Variants in SHANK2 observed in about 807,000 individuals in gnomAD.
SHANK2 encodes the protein SH3 and multiple ankyrin repeat domains 2.
Under a neutral mutation model 133.7 loss-of-function variants are expected in SHANK2, and 43 were observed. That is an observed-to-expected ratio of 0.32 (90% CI 0.25 to 0.41). The LOEUF (loss-of-function observed/expected upper bound fraction) is 0.41. Ranked by LOEUF, SHANK2 falls within the 10% of genes least tolerant of loss-of-function variation. The pLI, the probability that SHANK2 is intolerant of heterozygous loss-of-function variation, is 1.00. For missense variants in SHANK2, 1,994 were observed against 2,235.8 expected, an observed-to-expected ratio of 0.89 and a Z score of 2.18; for synonymous variants, 1,017 against 952.8, an observed-to-expected ratio of 1.07 and a Z score of -1.24.
At chr11:70,763,277 C>T (rs1034550426) in intron 14 of SHANK2, among the ~76,000 whole-genome samples, 3 of 152,168 alleles carry the variant, frequency 2.0e-5, no homozygotes, top group Non-Finnish European at 2.9e-5. Flanking sequence ...GCAGCAGCCA[C>T]GTACATAACC....
At chr11:70,661,833 A>AGGAGGAGC in intron 15 of SHANK2, 155 bp from the exon 16 acceptor site, 10 of 1,606,142 alleles carry the variant, frequency 6.2e-6, no homozygotes, top group Non-Finnish European at 7.6e-6. Flanking sequence ...GCGAGGGTGC[A>AGGAGGAGC]GGAGGAGCGA....
At chr11:70,607,601 G>A (rs551720961) in intron 17 of SHANK2, among the ~76,000 whole-genome samples, 47 of 152,318 alleles carry the variant, frequency 3.1e-4, no homozygotes, top group African/African-American at 1.1e-3. Flanking sequence ...GCCTGTGGCC[G>A]TCAGCAAACA....
rs1036784798 is a variant in SHANK2 at position 71,198,803 on chromosome 11, G to A, written c.-13+25894C>T. ...TGGGCAAGTGAGGTTGTGAGGCGGCGGGGTCTTCAAAGGCAGAGTTGGTTC... is the reference window on the plus strand; with the variant it reads ...TGGGCAAGTGAGGTTGTGAGGCGGCAGGGTCTTCAAAGGCAGAGTTGGTTC... On this transcript the variant is annotated intron_variant, in intron 2 of 25. Transcript: ENST00000601538. Among the ~76,000 whole-genome samples the A allele has an allele frequency of 2.0e-5, 3 of 152,324 alleles. No individual in the cohort carries two copies. The South Asian group carries it at 6.2e-4, about 32-fold the overall frequency.
At chr11:70,743,813 C>T (rs555888050) in intron 14 of SHANK2, among the ~76,000 whole-genome samples, 1 of 152,290 alleles carries the variant, frequency 6.6e-6, no homozygotes, top group East Asian at 1.9e-4. Flanking sequence ...ATTCAGGCTC[C>T]AAAACGTCTT....
intron 14 of SHANK2, among the ~76,000 whole-genome samples, chr11:70,720,252 G>A (rs141019740): frequency 9.2e-5 from 14 of 152,270 alleles, no homozygotes; most frequent in Non-Finnish European, 1.6e-4. Flanking sequence ...AAAGTGCCAC[G>A]GTCATTTCTG....
chr11:71,139,617 T>A (rs184910843), intron 3 of SHANK2, among the ~76,000 whole-genome samples: 4 of 152,318 alleles, frequency 2.6e-5, no homozygotes, highest in Non-Finnish European at 5.9e-5. Flanking sequence ...GCTCACCAGT[T>A]TGTATTGATT....
intron 17 of SHANK2, among the ~76,000 whole-genome samples, chr11:70,543,107 A>G (rs2059643642): frequency 6.6e-6 from 1 of 152,114 alleles, no homozygotes; most frequent in African/African-American, 2.4e-5. Context: ...TGTGCTTTTC[A>G]TGGAACTGGA....
chr11:70,925,620 G>C (rs1200926325), intron 10 of SHANK2, among the ~76,000 whole-genome samples: 1 of 152,188 alleles, frequency 6.6e-6, no homozygotes, highest in Non-Finnish European at 1.5e-5. Context: ...ACAAATGACT[G>C]GTAGGAGCAC....
intron 2 of SHANK2, among the ~76,000 whole-genome samples, chr11:71,190,152 C>A (rs543547202): frequency 6.6e-6 from 1 of 152,362 alleles, no homozygotes; most frequent in South Asian, 2.1e-4. Flanking sequence ...ACAGGCACTG[C>A]TGCCCAAACT....
At chr11:70,646,828 A>T (rs549442815) in intron 17 of SHANK2, among the ~76,000 whole-genome samples, 284 of 65,544 alleles carry the variant, frequency 4.3e-3, no homozygotes, top group African/African-American at 0.012. Context: ...ACTTTTATTT[A>T]TTTTATTTAT....
At chr11:70,845,177 T>C (rs1437306305) in intron 11 of SHANK2, among the ~76,000 whole-genome samples, 12 of 118,414 alleles carry the variant, frequency 1.0e-4, no homozygotes, top group African/African-American at 4.1e-4. Context: ...CCAGCCTGGG[T>C]GACAGAGCAA....
intron 2 of SHANK2, among the ~76,000 whole-genome samples, chr11:71,153,288 C>T (rs114149803): frequency 0.011 from 1,123 of 105,232 alleles, 19 homozygotes; most frequent in African/African-American, 0.041. Context: ...ATCTCTCGGG[C>T]GGGTCGGGGG....
chr11:70,598,804 T>G (rs1253335622), intron 17 of SHANK2, among the ~76,000 whole-genome samples: 2 of 152,140 alleles, frequency 1.3e-5, no homozygotes, highest in East Asian at 1.9e-4. Flanking sequence ...AGAAAAGCCA[T>G]GTAATTTTTG....
chr11:71,163,093 A>AACATAT, intron 2 of SHANK2, among the ~76,000 whole-genome samples: 6 of 84,676 alleles, frequency 7.1e-5, no homozygotes, highest in African/African-American at 2.8e-4. Context: ...AAAAAAAAAA[A>AACATAT]ATACATATAT....
chr11:70,773,257 G>C (rs115480308), intron 14 of SHANK2, among the ~76,000 whole-genome samples: 1 of 152,200 alleles, frequency 6.6e-6, no homozygotes, highest in Non-Finnish European at 1.5e-5. Context: ...ACAGGGCAGC[G>C]TCCTAAAGAC....
intron 17 of SHANK2, among the ~76,000 whole-genome samples, chr11:70,584,949 G>T (rs2060229210): frequency 6.6e-6 from 1 of 152,252 alleles, no homozygotes; most frequent in Non-Finnish European, 1.5e-5. Context: ...ACGGTCTGGT[G>T]CATGCTGGTG....
chr11:70,832,807 C>T (rs941383339), intron 11 of SHANK2, among the ~76,000 whole-genome samples: 2 of 152,212 alleles, frequency 1.3e-5, no homozygotes, highest in Admixed American at 1.3e-4. Context: ...CCAGCTGCCC[C>T]AGACCCTGAG....
In SHANK2 at chr11:70,512,495, C is replaced by T. The variant is rs547012529; in HGVS notation, c.2062-9564G>A. On this transcript the variant is annotated intron_variant, in intron 17 of 25. Transcript: ENST00000601538. ...TATGGTTACTTCATCTTTTCCTGTA[C>T]ATTTTGTTCTCCCTAGAGCAAAATA... Among the ~76,000 whole-genome samples the T allele has an allele frequency of 7.2e-5, 11 of 152,322 alleles. No individual in the cohort carries two copies. In the South Asian group the frequency reaches 1.4e-3, roughly 20 times the overall value.
chr11:71,142,950 C>T (rs1257852058), intron 3 of SHANK2, among the ~76,000 whole-genome samples: 1 of 152,078 alleles, frequency 6.6e-6, no homozygotes, highest in Non-Finnish European at 1.5e-5. Context: ...AAATACAGAG[C>T]AGGTCAGGCA....
Sources: gnomAD v4.1 joint callset for allele counts (sites outside exome capture counted in the v4.1 genomes callset) on GRCh38, gnomAD v4.1.1 for gene constraint, MANE v1.5 for transcripts, NCBI Gene and HGNC (gene_info 2026-07-23, HGNC 2026-07-21) for gene names.